KLHL1: variants seen among roughly 807,000 people sequenced by gnomAD.
The protein encoded by KLHL1 is kelch-like protein 1.
A neutral mutation model predicts 77.7 loss-of-function variants in KLHL1; 47 were observed. That is an observed-to-expected ratio of 0.60 (90% CI 0.48 to 0.77). KLHL1 has a LOEUF of 0.77. KLHL1 is among the 30% of genes least tolerant of loss of function. The pLI, the probability that KLHL1 is intolerant of heterozygous loss-of-function variation, is 0.00. For missense variants in KLHL1, 925 were observed against 910.8 expected, an observed-to-expected ratio of 1.02 and a Z score of -0.20; for synonymous variants, 360 against 325.2, an observed-to-expected ratio of 1.11 and a Z score of -1.15.
chr13:70,107,167 A>C, intron 1 of KLHL1, 36 bp downstream of exon 1: 1 of 1,543,610 alleles, frequency 6.5e-7, no homozygotes, highest in South Asian at 1.3e-5. Context: ...GTGGAAATTG[A>C]GAGATGCTTG....
intron 7 of KLHL1, among the ~76,000 whole-genome samples, chr13:69,793,727 G>C (rs753925381): frequency 2.0e-5 from 3 of 152,014 alleles, no homozygotes; most frequent in Non-Finnish European, 4.4e-5. Flanking sequence ...TGAACGAGTA[G>C]AAAACTAGCA....
intron 8 of KLHL1, among the ~76,000 whole-genome samples, chr13:69,730,433 C>A (rs1873491949): frequency 1.3e-5 from 2 of 152,008 alleles, no homozygotes. Flanking sequence ...CTATTGCTGT[C>A]AATGTAAATG....
chr13:69,944,974 ACTT>A (rs1373788937), intron 3 of KLHL1, among the ~76,000 whole-genome samples: 9 of 143,828 alleles, frequency 6.3e-5, no homozygotes, highest in East Asian at 2.0e-4. Flanking sequence ...AAACTATAAA[ACTT>A]CTTTTTTTTT....
At chr13:69,874,576 T>C (rs1593908235) in intron 5 of KLHL1, among the ~76,000 whole-genome samples, 1 of 152,318 alleles carries the variant, frequency 6.6e-6, no homozygotes, top group Middle Eastern at 3.4e-3. Context: ...CAAATTATTA[T>C]ACCCTATATT....
intron 1 of KLHL1, among the ~76,000 whole-genome samples, chr13:69,990,349 T>C (rs533415439): frequency 5.4e-4 from 82 of 152,112 alleles, no homozygotes; most frequent in African/African-American, 1.9e-3. Flanking sequence ...ATGGGATAAA[T>C]GTTCCAATTA....
chr13:69,913,300 G>T (rs775035195), intron 4 of KLHL1, among the ~76,000 whole-genome samples: 2 of 152,128 alleles, frequency 1.3e-5, no homozygotes, highest in Non-Finnish European at 1.5e-5. Flanking sequence ...AGGAGGCAGG[G>T]AGCTATATCC....
At chr13:69,802,712 C>T (rs896705272) in intron 6 of KLHL1, among the ~76,000 whole-genome samples, 25 of 151,882 alleles carry the variant, frequency 1.6e-4, no homozygotes, top group African/African-American at 5.3e-4. Flanking sequence ...CAATCGATCA[C>T]GACCCTCTCA....
At position 69,740,428 on chromosome 13, in the gene KLHL1, G is replaced by GC. The variant is rs1566200724; in HGVS notation, c.1767_1768insG (p.Arg590AlafsTer20). The GC allele has an allele frequency of 6.2e-7, 1 of 1,609,298 alleles. No homozygotes were observed. Among genetic ancestry groups the GC allele is most frequent in the Non-Finnish European group, 8.5e-7 (1 of 1,176,920 alleles). On this transcript the variant is annotated frameshift_variant, in exon 8 of 11. Coordinates refer to ENST00000377844, the MANE Select transcript of KLHL1 (RefSeq NM_020866.3). LOFTEE classifies it high-confidence loss of function. ...AATGCTGCTACACCAACTGTGCTCCGAGCAATTGACATACTGGCTACAAAT... is the reference window on the plus strand; with the variant it reads ...AATGCTGCTACACCAACTGTGCTCCGCAGCAATTGACATACTGGCTACAAAT...
At chr13:69,984,249 C>T (rs1215089889) in intron 1 of KLHL1, among the ~76,000 whole-genome samples, 1 of 151,950 alleles carries the variant, frequency 6.6e-6, no homozygotes, top group Non-Finnish European at 1.5e-5. Context: ...AAAAGCAGCC[C>T]CCAAATCATT....
chr13:69,711,015 T>C (rs1166918761), intron 9 of KLHL1, among the ~76,000 whole-genome samples: 4 of 152,068 alleles, frequency 2.6e-5, no homozygotes, highest in Non-Finnish European at 5.9e-5. Flanking sequence ...GTTAAAGGCA[T>C]ACGATAGTCA....
chr13:69,781,243 T>TAACA (rs368996330), intron 7 of KLHL1, among the ~76,000 whole-genome samples: 48 of 150,872 alleles, frequency 3.2e-4, no homozygotes, highest in East Asian at 1.2e-3. Flanking sequence ...CTTTGAATCC[T>TAACA]AACACTAGAA....
intron 9 of KLHL1, among the ~76,000 whole-genome samples, chr13:69,709,107 C>A (rs571522341): frequency 1.3e-5 from 2 of 151,792 alleles, no homozygotes; most frequent in African/African-American, 2.4e-5. Context: ...AGGCGCTGGT[C>A]GAATGCTAGA....
chr13:70,044,798 G>A (rs1886455926), intron 1 of KLHL1, among the ~76,000 whole-genome samples: 1 of 152,268 alleles, frequency 6.6e-6, no homozygotes, highest in South Asian at 2.1e-4. Context: ...TTATCATTAA[G>A]AAGAAATGTT....
chr13:70,000,883 G>T (rs1226579622), intron 1 of KLHL1, among the ~76,000 whole-genome samples: 1 of 146,386 alleles, frequency 6.8e-6, no homozygotes, highest in Non-Finnish European at 1.5e-5. Context: ...AGGATAATAA[G>T]ATCAAATAAA....
chr13:70,071,659 T>C (rs1399255789), intron 1 of KLHL1, among the ~76,000 whole-genome samples: 1 of 151,722 alleles, frequency 6.6e-6, no homozygotes, highest in Non-Finnish European at 1.5e-5. Context: ...GTAATTAAAA[T>C]AAAAGTCAAT....
At chr13:70,093,595 A>T (rs1887720525) in intron 1 of KLHL1, among the ~76,000 whole-genome samples, 1 of 152,108 alleles carries the variant, frequency 6.6e-6, no homozygotes, top group Admixed American at 6.5e-5. Flanking sequence ...TATTTATAGA[A>T]ATATTTTGAC....
intron 3 of KLHL1, among the ~76,000 whole-genome samples, chr13:69,947,563 A>G (rs1489196547): frequency 1.3e-5 from 2 of 151,898 alleles, no homozygotes; most frequent in Non-Finnish European, 2.9e-5. Context: ...TCCCCAAAAA[A>G]GAAAAAAAAA....
chr13:69,885,775 C>T (rs1881193173), intron 4 of KLHL1, among the ~76,000 whole-genome samples: 1 of 151,942 alleles, frequency 6.6e-6, no homozygotes, highest in Non-Finnish European at 1.5e-5. Flanking sequence ...ATCGTGAGGA[C>T]AAAATGGATT....
intron 4 of KLHL1, among the ~76,000 whole-genome samples, chr13:69,924,048 C>T (rs1882732122): frequency 6.6e-6 from 1 of 152,214 alleles, no homozygotes; most frequent in Admixed American, 6.5e-5. Context: ...TGTGCACATG[C>T]CTGCAGCAGT....
Sources: gnomAD v4.1 joint callset for allele counts (sites outside exome capture counted in the v4.1 genomes callset) on GRCh38, gnomAD v4.1.1 for gene constraint, MANE v1.5 for transcripts, NCBI Gene and HGNC (gene_info 2026-07-23, HGNC 2026-07-21) for gene names.